The following LRFN5 variants were observed in gnomAD, a reference collection of about 807,000 sequenced individuals.
The protein encoded by LRFN5 is leucine-rich repeat and fibronectin type-III domain-containing protein 5.
LRFN5 carries 24 observed loss-of-function variants against 45.6 expected under a neutral mutation model. The ratio of observed to expected loss-of-function variants is 0.53; its 90% CI spans 0.38 to 0.74. LRFN5 has a LOEUF of 0.74. Ranked by LOEUF, LRFN5 falls within the 30% of genes least tolerant of loss-of-function variation. The probability of loss-of-function intolerance (pLI) is 0.00; values close to 1 mark genes in which losing one functional copy is unlikely to be tolerated. For missense variants in LRFN5, 776 were observed against 861.5 expected, an observed-to-expected ratio of 0.90 and a Z score of 1.24; for synonymous variants, 340 against 313.8, an observed-to-expected ratio of 1.08 and a Z score of -0.88.
chr14:41,746,988 A>G (rs149959093), intron 1 of LRFN5, among the ~76,000 whole-genome samples: 62 of 152,134 alleles, frequency 4.1e-4, no homozygotes, highest in Middle Eastern at 3.4e-3. Flanking sequence ...AGTTAGGAAT[A>G]AACGTAACAA....
intron 2 of LRFN5, among the ~76,000 whole-genome samples, chr14:41,880,152 C>T (rs538763349): frequency 1.3e-5 from 2 of 151,708 alleles, no homozygotes; most frequent in Admixed American, 6.6e-5. Context: ...TGGTCTCGAT[C>T]TCCTGACCTC....
At chr14:41,688,921 A>T (rs1882241793) in intron 1 of LRFN5, among the ~76,000 whole-genome samples, 1 of 151,216 alleles carries the variant, frequency 6.6e-6, no homozygotes, top group African/African-American at 2.4e-5. Context: ...AAAAAAAAAA[A>T]AAAAAAAGGA....
intron 2 of LRFN5, among the ~76,000 whole-genome samples, chr14:41,817,575 C>G (rs1887965551): frequency 6.6e-6 from 1 of 152,126 alleles, no homozygotes; most frequent in South Asian, 2.1e-4. Context: ...ATTTCTCTTC[C>G]TCCAGGTCAC....
intron 1 of LRFN5, among the ~76,000 whole-genome samples, chr14:41,734,316 T>TTATGTATATATATATA (rs1441190358): frequency 5.2e-5 from 2 of 38,768 alleles, no homozygotes; most frequent in Non-Finnish European, 1.4e-4. Context: ...TGGACTGGTT[T>TTATGTATATATATATA]TATATATATA....
At chr14:41,890,602 C>A (rs187666634) in intron 3 of LRFN5, among the ~76,000 whole-genome samples, 1 of 150,854 alleles carries the variant, frequency 6.6e-6, no homozygotes, top group African/African-American at 2.4e-5. Flanking sequence ...AGCTACTCGG[C>A]AGGCTGAGGC....
chr14:41,644,758 T>C (rs961928561), intron 1 of LRFN5, among the ~76,000 whole-genome samples: 3 of 152,222 alleles, frequency 2.0e-5, no homozygotes, highest in East Asian at 3.8e-4. Flanking sequence ...CATTATTTGA[T>C]AGTTTAATTC....
At chr14:41,706,327 C>T (rs191509394) in intron 1 of LRFN5, among the ~76,000 whole-genome samples, 191 of 152,128 alleles carry the variant, frequency 1.3e-3, no homozygotes, top group Non-Finnish European at 2.4e-3. Flanking sequence ...CTTGAACTCC[C>T]GACCTCGGGT....
chr14:41,824,890 T>C (rs1045512046), intron 2 of LRFN5, among the ~76,000 whole-genome samples: 1 of 152,068 alleles, frequency 6.6e-6, no homozygotes, highest in Non-Finnish European at 1.5e-5. Context: ...CTGCACTAGC[T>C]CCAAGTCCCG....
chr14:41,778,229 A>G (rs1448175290), intron 2 of LRFN5, among the ~76,000 whole-genome samples: 2 of 151,746 alleles, frequency 1.3e-5, no homozygotes, highest in African/African-American at 2.4e-5. Context: ...TTTTAAAATA[A>G]ATGAGCAATT....
rs1885907534 is a variant in LRFN5, at chr14:41,766,970, C to T, written c.-80C>T. ...ATGCTTTCACTCTGTCCGTCTTCTG[C>T]AGCAGCCAGGCAGAGTGCCGACTCC... is the stretch of plus-strand genomic sequence containing the variant. On this transcript the variant is annotated 5_prime_UTR_variant, in exon 2 of 6. Transcript: ENST00000298119. 1 of 152,626 alleles carries T rather than the reference C, an allele frequency of 6.6e-6. No homozygotes were observed. Among genetic ancestry groups the T allele is most frequent in the Admixed American group, 6.5e-5 (1 of 15,272 alleles). 9.5% of individuals were successfully genotyped at this position (152,626 alleles called of 1,614,324 possible). A position where few individuals can be genotyped will look rare whatever the true frequency, so the allele number is the denominator to read the frequency against.
At chr14:41,703,401 A>T (rs1359953971) in intron 1 of LRFN5, among the ~76,000 whole-genome samples, 4 of 152,176 alleles carry the variant, frequency 2.6e-5, no homozygotes, top group Non-Finnish European at 5.9e-5. Flanking sequence ...AGACCCATGA[A>T]GTGACAACAT....
intron 2 of LRFN5, among the ~76,000 whole-genome samples, chr14:41,791,487 T>C (rs1886918845): frequency 6.6e-6 from 1 of 152,040 alleles, no homozygotes; most frequent in African/African-American, 2.4e-5. Flanking sequence ...ACTCAACTTT[T>C]TCCATATGAT....
At chr14:41,695,068 TAAG>T (rs1882546846) in intron 1 of LRFN5, among the ~76,000 whole-genome samples, 1 of 151,898 alleles carries the variant, frequency 6.6e-6, no homozygotes, top group African/African-American at 2.4e-5. Flanking sequence ...ACACAAATAA[TAAG>T]AAAGCACAAC....
At chr14:41,614,090 TTTC>T (rs1446328010) in intron 1 of LRFN5, among the ~76,000 whole-genome samples, 1 of 152,088 alleles carries the variant, frequency 6.6e-6, no homozygotes, top group Non-Finnish European at 1.5e-5. Flanking sequence ...ATGTGGTACT[TTTC>T]TTATTAATTA....
intron 1 of LRFN5, among the ~76,000 whole-genome samples, chr14:41,673,675 A>AC (rs747086519): frequency 1.3e-4 from 14 of 110,096 alleles, no homozygotes; most frequent in South Asian, 6.6e-4. Context: ...AGGGGGGCTG[A>AC]CCCCCCCACC....
intron 1 of LRFN5, among the ~76,000 whole-genome samples, chr14:41,741,717 C>A (rs1337580368): frequency 6.6e-6 from 1 of 151,144 alleles, no homozygotes; most frequent in African/African-American, 2.4e-5. Flanking sequence ...AACTAAAAAG[C>A]TTTGATGCAG....
chr14:41,830,974 A>G (rs1318025734), intron 2 of LRFN5, among the ~76,000 whole-genome samples: 1 of 152,170 alleles, frequency 6.6e-6, no homozygotes, highest in East Asian at 1.9e-4. Context: ...TCTTTAGGCA[A>G]CCACTGTTTA....
At chr14:41,804,913 C>CT (rs1037005081) in intron 2 of LRFN5, among the ~76,000 whole-genome samples, 3 of 151,724 alleles carry the variant, frequency 2.0e-5, no homozygotes, top group Non-Finnish European at 2.9e-5. Context: ...TGTGCATTTC[C>CT]TTTTTTTTGA....
At chr14:41,782,254 A>G (rs905102089) in intron 2 of LRFN5, among the ~76,000 whole-genome samples, 2 of 150,564 alleles carry the variant, frequency 1.3e-5, no homozygotes, top group African/African-American at 4.9e-5. Context: ...TGATATTTTA[A>G]TTTGGGGAGT....
Sources: gnomAD v4.1 joint callset for allele counts (sites outside exome capture counted in the v4.1 genomes callset) on GRCh38, gnomAD v4.1.1 for gene constraint, MANE v1.5 for transcripts, NCBI Gene and HGNC (gene_info 2026-07-23, HGNC 2026-07-21) for gene names.